The following FAM186B variants were observed in gnomAD, a reference collection of about 807,000 sequenced individuals.
FAM186B encodes the protein protein FAM186B.
In FAM186B, 68 loss-of-function variants were observed where a neutral mutation model predicts 83.4. The observed-to-expected ratio is 0.81, with a 90% CI of 0.67 to 1.00. The LOEUF is 1.00. FAM186B is among the 50% of genes least tolerant of loss of function. FAM186B has a pLI of 0.00. For synonymous variants in FAM186B, 389 were observed against 422.0 expected (o/e 0.92, Z 0.96); for missense variants, 983 against 1,099.2 (o/e 0.89, Z 1.49).
chr12:49,617,723 T>C, the FAM186B span, among the ~76,000 whole-genome samples: 1 of 151,532 alleles, frequency 6.6e-6, no homozygotes, highest in African/African-American at 2.5e-5. Context: ...TTAAAGTTTC[T>C]GGGTAAAAAA....
chr12:49,604,191 T>G (rs1939958109), intron 2 of FAM186B, 122 bp downstream of exon 2: 3 of 725,244 alleles, frequency 4.1e-6, no homozygotes, highest in Non-Finnish European at 7.1e-6. Context: ...ATGGAGGTGA[T>G]GTGCTGTGAC....
the FAM186B span, among the ~76,000 whole-genome samples, chr12:49,614,019 G>A: frequency 2.7e-5 from 4 of 150,384 alleles, no homozygotes; most frequent in African/African-American, 2.5e-5. Context: ...GCATGGCAGC[G>A]GGTGGCTGTA....
chr12:49,605,455 T>G lies in FAM186B; in HGVS notation c.23A>C (p.Gln8Pro). The change falls in exon 1 of 7, where the codon CAG (glutamine) becomes CCG (proline). Residue 8 changes from glutamine (Q) to proline (P), a missense_variant. Physicochemically the swap from Gln to Pro is moderately conservative, Grantham distance 76. Coordinates refer to ENST00000257894, the MANE Select transcript of FAM186B (RefSeq NM_032130.3). MEKDDPP[Q>P]LVTPTSVKAI... ...TTTCACTGATGTGGGAGTCACCAAC[T>G]GTGGGGGGTCATCCTTCTCCATTTT... 6.2e-7 allele frequency: 1 copy of G among 1,613,838 alleles called. No individual in the cohort carries two copies. Among genetic ancestry groups the G allele is most frequent in the Non-Finnish European group, 8.5e-7 (1 of 1,179,898 alleles).
At chr12:49,605,153 C>G in intron 1 of FAM186B, 1 of 1,362,310 alleles carries the variant, frequency 7.3e-7, no homozygotes, top group Non-Finnish European at 9.5e-7. Flanking sequence ...TTCCTGCCCC[C>G]TTCCCGGGCC....
chr12:49,619,586 C>G, the FAM186B span: 1 of 636,362 alleles, frequency 1.6e-6, no homozygotes, highest in South Asian at 1.5e-5. Context: ...TTCCATGTAT[C>G]GGGAATTCTG....
chr12:49,590,742 C>T (rs758354850), intron 5 of FAM186B, among the ~76,000 whole-genome samples: 1 of 152,126 alleles, frequency 6.6e-6, no homozygotes, highest in Non-Finnish European at 1.5e-5. Flanking sequence ...CCTTCTCATT[C>T]TGTTGGCCTA....
chr12:49,590,957 A>G (rs1258931769), intron 5 of FAM186B, among the ~76,000 whole-genome samples: 14 of 152,160 alleles, frequency 9.2e-5, no homozygotes, highest in Admixed American at 9.2e-4. Context: ...GAGGAGATAA[A>G]CTAGTGATAA....
At chr12:49,605,758 CT>C (rs1222575062), upstream of FAM186B, 2,852 of 150,882 alleles carry the variant, frequency 0.019, no homozygotes, top group South Asian at 0.068. Flanking sequence ...GTTGCCTTTT[CT>C]TTTTTTTTTT....
intron 5 of FAM186B, among the ~76,000 whole-genome samples, chr12:49,596,139 G>A (rs887469454): frequency 6.6e-6 from 1 of 152,040 alleles, no homozygotes; most frequent in African/African-American, 2.4e-5. Context: ...TGCTTTTGCC[G>A]AAGTATAGTT....
chr12:49,591,517 C>A (rs1270959136), intron 5 of FAM186B, among the ~76,000 whole-genome samples: 1 of 152,066 alleles, frequency 6.6e-6, no homozygotes, highest in Non-Finnish European at 1.5e-5. Flanking sequence ...TGAGAGGATT[C>A]ATCACCAGCA....
intron 5 of FAM186B, among the ~76,000 whole-genome samples, chr12:49,596,323 CAAAA>C (rs933362822): frequency 7.8e-5 from 5 of 64,306 alleles, no homozygotes; most frequent in Non-Finnish European, 1.7e-4. Context: ...ACCCCCGTCT[CAAAA>C]AAAAAAAAAA....
the FAM186B span, among the ~76,000 whole-genome samples, chr12:49,611,730 G>C: frequency 1.5e-5 from 2 of 136,808 alleles, no homozygotes; most frequent in Non-Finnish European, 3.1e-5. Flanking sequence ...ACAGTGGCAT[G>C]CACCTGTAGT....
Position 49,603,387 on chromosome 12 carries a change from T to C in FAM186B, c.323-20A>G. The C allele has an allele frequency of 1.2e-6, 2 of 1,613,480 alleles. No individual in the cohort carries two copies. Among genetic ancestry groups the C allele is most frequent in the Non-Finnish European group, 1.7e-6 (2 of 1,179,716 alleles). On this transcript the variant is annotated intron_variant, in intron 2 of 6. Coordinates refer to ENST00000257894, the MANE Select transcript of FAM186B (RefSeq NM_032130.3). ...TGTCACCTGGAGAAGGGATGGGAGG[T>C]GCAGGCTGAGAGCAGTCTGTCCTCC...
chr12:49,588,891 GA>G (rs1039271235), intron 5 of FAM186B, among the ~76,000 whole-genome samples: 36 of 152,324 alleles, frequency 2.4e-4, no homozygotes, highest in African/African-American at 8.7e-4. Flanking sequence ...CAGCAAGGAA[GA>G]AAATGAAACC....
chr12:49,620,537 A>G, the FAM186B span, among the ~76,000 whole-genome samples: 5 of 152,180 alleles, frequency 3.3e-5, no homozygotes, highest in African/African-American at 1.2e-4. Context: ...TGCATGGAAT[A>G]TAACTTGTAA....
At chr12:49,622,260 G>T in the FAM186B span, among the ~76,000 whole-genome samples, 1 of 143,170 alleles carries the variant, frequency 7.0e-6, no homozygotes, top group Admixed American at 7.2e-5. Context: ...GCTGCGGGCC[G>T]CGCGCCAGTC....
the FAM186B span, among the ~76,000 whole-genome samples, chr12:49,612,866 G>A: frequency 6.6e-6 from 1 of 151,948 alleles, no homozygotes; most frequent in African/African-American, 2.4e-5. Flanking sequence ...ACTTAAATTC[G>A]ACACCTGACC....
chr12:49,621,486 GAGA>G, the FAM186B span, among the ~76,000 whole-genome samples: 1 of 152,336 alleles, frequency 6.6e-6, no homozygotes, highest in South Asian at 2.1e-4. Context: ...AGTCAGATTG[GAGA>G]AGGTCAGCAG....
chr12:49,616,931 C>T, the FAM186B span, among the ~76,000 whole-genome samples: 24 of 152,294 alleles, frequency 1.6e-4, no homozygotes, highest in Non-Finnish European at 3.1e-4. Context: ...GCAACCAGGG[C>T]AAAGGGCTAG....
Sources: allele counts gnomAD v4.1 joint callset (sites outside exome capture counted in the v4.1 genomes callset), GRCh38; gene constraint gnomAD v4.1.1; transcripts MANE v1.5; gene names NCBI Gene and HGNC (gene_info 2026-07-23, HGNC 2026-07-21).